ERBB4: variants seen among roughly 807,000 people sequenced by gnomAD.
The protein encoded by ERBB4 is erb-b2 receptor tyrosine kinase 4.
A neutral mutation model predicts 158.0 loss-of-function variants in ERBB4; 42 were observed. The ratio of observed to expected loss-of-function variants is 0.27; its 90% confidence interval spans 0.21 to 0.34. ERBB4 has a LOEUF of 0.34. ERBB4 is among the 10% of genes least tolerant of loss of function. The probability of loss-of-function intolerance (pLI) is 1.00; values close to 1 mark genes in which losing one functional copy is unlikely to be tolerated. For synonymous variants in ERBB4, 583 were observed against 558.7 expected (o/e 1.04, Z -0.61); for missense variants, 1,333 against 1,624.1 (o/e 0.82, Z 3.08).
intron 2 of ERBB4, among the ~76,000 whole-genome samples, chr2:212,107,465 T>C (rs1343500848): frequency 1.3e-5 from 2 of 152,196 alleles, no homozygotes; most frequent in African/African-American, 2.4e-5. Context: ...ATCTAGGAAG[T>C]AACTAACTTG....
intron 12 of ERBB4, among the ~76,000 whole-genome samples, chr2:211,688,502 G>A (rs1346341848): frequency 6.6e-6 from 1 of 152,114 alleles, no homozygotes; most frequent in Non-Finnish European, 1.5e-5. Flanking sequence ...TTTCCCTTGT[G>A]TTCTGCTCTC....
chr2:211,716,359 T>C (rs1213296019), intron 7 of ERBB4, among the ~76,000 whole-genome samples: 1 of 56,702 alleles, frequency 1.8e-5, no homozygotes, highest in Non-Finnish European at 2.8e-5. Flanking sequence ...TGAAACTCTG[T>C]CTCAAAAAAA....
At chr2:211,520,908 G>A (rs1183920518) in intron 20 of ERBB4, among the ~76,000 whole-genome samples, 1 of 152,092 alleles carries the variant, frequency 6.6e-6, no homozygotes, top group Non-Finnish European at 1.5e-5. Flanking sequence ...GGAGCATCAT[G>A]AATCATGCCC....
chr2:212,430,114 G>A (rs775629779), intron 1 of ERBB4, among the ~76,000 whole-genome samples: 3 of 152,168 alleles, frequency 2.0e-5, no homozygotes, highest in African/African-American at 4.8e-5. Context: ...TAATGCTTAT[G>A]AAAGGAACTA....
intron 27 of ERBB4, 108 bp from the exon 28 acceptor site, chr2:211,384,168 A>G (rs571654607): frequency 1.9e-5 from 15 of 791,620 alleles, no homozygotes; most frequent in East Asian, 1.0e-4. Context: ...AAAAACCCAC[A>G]GATTTGTTTT....
At chr2:211,719,870 A>T in intron 7 of ERBB4, among the ~76,000 whole-genome samples, 1 of 104,094 alleles carries the variant, frequency 9.6e-6, no homozygotes, top group Non-Finnish European at 1.9e-5. Context: ...AAAGAAAAGA[A>T]AAAAAAAAAA....
intron 1 of ERBB4, among the ~76,000 whole-genome samples, chr2:212,331,460 A>G (rs1477279108): frequency 6.6e-6 from 1 of 151,918 alleles, no homozygotes; most frequent in Non-Finnish European, 1.5e-5. Context: ...TTTTTAAATA[A>G]GAAAGCAACG....
rs2092358549 is a variant in ERBB4, at chr2:212,446,605, A to ATATATATATATG, written c.82+91843_82+91844insCATATATATATA. Among the ~76,000 whole-genome samples the ATATATATATATG allele has an allele frequency of 1.3e-4, 4 of 30,604 alleles. No homozygotes were observed. In the East Asian group the frequency reaches 5.1e-3, roughly 39 times the overall value. 20.1% of individuals were successfully genotyped at this position (30,604 alleles called of 152,430 possible). A position where few individuals can be genotyped will look rare whatever the true frequency, so the allele number is the denominator to read the frequency against. ...TATATATATATGTATATATATATAT[A>ATATATATATATG]TATATATATATATATATATATATAT... On this transcript the variant is annotated intron_variant, in intron 1 of 27. Transcript: ENST00000342788.
intron 3 of ERBB4, among the ~76,000 whole-genome samples, chr2:211,859,584 T>C (rs565081373): frequency 6.6e-5 from 10 of 152,208 alleles, no homozygotes; most frequent in African/African-American, 9.6e-5. Context: ...TCCAGAGTTA[T>C]GGAGCTATGT....
At chr2:211,630,346 A>T (rs1226885366) in intron 17 of ERBB4, 116 bp downstream of exon 17, 17 of 1,208,338 alleles carry the variant, frequency 1.4e-5, no homozygotes, top group Non-Finnish European at 2.0e-5. Flanking sequence ...AAAATAAAAA[A>T]CTTAATTAGG....
chr2:211,867,566 A>C (rs2078240868), intron 3 of ERBB4, among the ~76,000 whole-genome samples: 1 of 152,208 alleles, frequency 6.6e-6, no homozygotes, highest in Non-Finnish European at 1.5e-5. Context: ...AAACATGTAG[A>C]TATATGAATG....
At chr2:212,335,315 T>C (rs934679746) in intron 1 of ERBB4, among the ~76,000 whole-genome samples, 2 of 152,018 alleles carry the variant, frequency 1.3e-5, no homozygotes, top group African/African-American at 2.4e-5. Context: ...AATTGATATG[T>C]TTTAACAAAT....
At chr2:211,734,278 T>C (rs2074528190) in intron 5 of ERBB4, among the ~76,000 whole-genome samples, 1 of 152,096 alleles carries the variant, frequency 6.6e-6, no homozygotes, top group African/African-American at 2.4e-5. Context: ...TTCAGACATC[T>C]CTAAGACAGA....
intron 1 of ERBB4, among the ~76,000 whole-genome samples, chr2:212,481,628 T>A (rs902150329): frequency 4.6e-5 from 7 of 152,166 alleles, no homozygotes; most frequent in African/African-American, 1.2e-4. Flanking sequence ...TTTGCAAAGC[T>A]GCAGTAAGAT....
chr2:211,792,917 G>T (rs1399808463), intron 3 of ERBB4, among the ~76,000 whole-genome samples: 1 of 151,776 alleles, frequency 6.6e-6, no homozygotes, highest in Non-Finnish European at 1.5e-5. Context: ...TTGGGGATGA[G>T]TGCCCATTAA....
At position 212,177,020 on chromosome 2, in the gene ERBB4, A is replaced by G. The variant is rs79320247; in HGVS notation, c.83-52117T>C. Among the ~76,000 whole-genome samples the G allele has an allele frequency of 1.8e-3, 269 of 151,450 alleles. 1 individual carries two copies. Among genetic ancestry groups the G allele is most frequent in the African/African-American group, 6.1e-3 (253 of 41,454 alleles). On this transcript the variant is annotated intron_variant, in intron 1 of 27. Transcript: ENST00000342788. ...AGAAAGAGAGAGGAATTTCAGTATT[A>G]CTTTATGAAGCAACATCTTCAAAAA...
At chr2:212,128,687 C>T (rs1427255732) in intron 1 of ERBB4, among the ~76,000 whole-genome samples, 1 of 152,110 alleles carries the variant, frequency 6.6e-6, no homozygotes, top group East Asian at 1.9e-4. Flanking sequence ...GTAAATTTAA[C>T]TATTGTGCTT....
At chr2:211,561,865 T>G (rs1256184088) in intron 20 of ERBB4, 38 bp downstream of exon 20, 7 of 1,576,486 alleles carry the variant, frequency 4.4e-6, no homozygotes, top group Non-Finnish European at 6.1e-6. Context: ...AATATTAACC[T>G]AAAAATGTAA....
chr2:211,762,778 T>C (rs2075447867), intron 4 of ERBB4, among the ~76,000 whole-genome samples: 2 of 152,222 alleles, frequency 1.3e-5, no homozygotes, highest in African/African-American at 2.4e-5. Flanking sequence ...GCATTGCCCA[T>C]GGCAACAGTT....
Sources: allele counts gnomAD v4.1 joint callset (sites outside exome capture counted in the v4.1 genomes callset), GRCh38; gene constraint gnomAD v4.1.1; transcripts MANE v1.5; gene names NCBI Gene and HGNC (gene_info 2026-07-23, HGNC 2026-07-21).